Variants in DEPTOR observed in about 807,000 individuals in gnomAD.
DEPTOR encodes DEP domain-containing mTOR-interacting protein.
DEPTOR carries 41 observed loss-of-function variants against 41.6 expected under a neutral mutation model. The observed-to-expected ratio is 0.98, with a 90% CI of 0.77 to 1.28. DEPTOR has a LOEUF of 1.28. Among genes scored for constraint, DEPTOR ranks in the 50% most tolerant of loss-of-function variants. The probability of loss-of-function intolerance (pLI) is 0.00; values close to 1 mark genes in which losing one functional copy is unlikely to be tolerated. For synonymous variants in DEPTOR, 195 were observed against 192.3 expected (o/e 1.01, Z -0.12); for missense variants, 514 against 527.9 (o/e 0.97, Z 0.26).
At chr8:120,005,915 G>A (rs536052663) in intron 6 of DEPTOR, among the ~76,000 whole-genome samples, 4 of 152,206 alleles carry the variant, frequency 2.6e-5, no homozygotes, top group Admixed American at 2.0e-4. Context: ...TTTGCTTGCA[G>A]GACAGCATGG....
At chr8:120,040,703 CT>C (rs1813055087) in intron 8 of DEPTOR, among the ~76,000 whole-genome samples, 1 of 152,172 alleles carries the variant, frequency 6.6e-6, no homozygotes, top group Non-Finnish European at 1.5e-5. Flanking sequence ...TGCAACTGGA[CT>C]CCAAAAGTCT....
chr8:119,944,571 C>G (rs992981459), intron 3 of DEPTOR, among the ~76,000 whole-genome samples: 2 of 151,756 alleles, frequency 1.3e-5, no homozygotes, highest in African/African-American at 4.8e-5. Context: ...CCTCACACAA[C>G]TTTGGTATAC....
At chr8:119,904,604 C>G (rs140395075) in intron 1 of DEPTOR, among the ~76,000 whole-genome samples, 14,852 of 151,928 alleles carry the variant, frequency 0.098, 844 homozygotes, top group South Asian at 0.22. Context: ...AAGCAATTCT[C>G]CCTGCCTCAG....
chr8:119,969,928 TTTAGGC>T (rs1828612050), intron 4 of DEPTOR: 2 of 152,324 alleles, frequency 1.3e-5, no homozygotes, highest in South Asian at 4.1e-4. Context: ...AAAGTCAGCC[TTTAGGC>T]TTTGAGCAGA....
At chr8:119,919,200 C>T (rs1357795641) in intron 1 of DEPTOR, among the ~76,000 whole-genome samples, 1 of 151,988 alleles carries the variant, frequency 6.6e-6, no homozygotes, top group Non-Finnish European at 1.5e-5. Flanking sequence ...CATATGTGTA[C>T]ACATACCTAG....
intron 8 of DEPTOR, among the ~76,000 whole-genome samples, chr8:120,047,519 C>A (rs985911072): frequency 1.3e-5 from 2 of 151,610 alleles, no homozygotes; most frequent in African/African-American, 4.8e-5. Flanking sequence ...AGGCATCCGC[C>A]ACCACGCCCA....
At chr8:119,979,708 A>G (rs1298369931) in intron 4 of DEPTOR, among the ~76,000 whole-genome samples, 1 of 151,522 alleles carries the variant, frequency 6.6e-6, no homozygotes, top group African/African-American at 2.4e-5. Context: ...TATTTTAGCC[A>G]CTCCCCAAGC....
At chr8:119,989,145 T>C (rs1192671307) in intron 4 of DEPTOR, among the ~76,000 whole-genome samples, 2 of 151,858 alleles carry the variant, frequency 1.3e-5, no homozygotes, top group African/African-American at 4.8e-5. Flanking sequence ...TAGCATTTTA[T>C]GGTGGTGAAT....
At chr8:119,918,914 G>T (rs1480664076) in intron 1 of DEPTOR, among the ~76,000 whole-genome samples, 1 of 149,550 alleles carries the variant, frequency 6.7e-6, no homozygotes, top group Admixed American at 6.7e-5. Flanking sequence ...TTATGAAGTG[G>T]TTACTGCAGC....
intron 8 of DEPTOR, among the ~76,000 whole-genome samples, chr8:120,033,158 A>G (rs1456080477): frequency 6.9e-6 from 1 of 145,598 alleles, no homozygotes; most frequent in African/African-American, 2.5e-5. Context: ...TGTGATTTCA[A>G]CTTACTGCAA....
At chr8:119,970,535 T>C (rs1162671687) in intron 4 of DEPTOR, among the ~76,000 whole-genome samples, 1 of 152,166 alleles carries the variant, frequency 6.6e-6, no homozygotes, top group Admixed American at 6.5e-5. Flanking sequence ...TGGATTTAGA[T>C]GCGGCTTTTT....
At chr8:119,907,751 G>C (rs890358740) in intron 1 of DEPTOR, among the ~76,000 whole-genome samples, 2 of 151,722 alleles carry the variant, frequency 1.3e-5, no homozygotes, top group Non-Finnish European at 2.9e-5. Flanking sequence ...CTGCACTCTG[G>C]CCTGGCAACA....
chr8:120,050,230 T>C lies in DEPTOR; in HGVS notation c.*526T>C, dbSNP rs1005035342. On this transcript the variant is annotated 3_prime_UTR_variant, in exon 9 of 9. Coordinates refer to ENST00000286234, the MANE Select transcript of DEPTOR (RefSeq NM_022783.4). ...AGGGGGTTCTAAAGCATTCAAGTGCTTAAAAGCCATAAAAAATGACTTCTT... is the reference window on the plus strand; with the variant it reads ...AGGGGGTTCTAAAGCATTCAAGTGCCTAAAAGCCATAAAAAATGACTTCTT... 6.6e-6 allele frequency: 1 copy of C among 152,134 alleles called. No homozygotes were observed. The highest frequency in any genetic ancestry group is 6.6e-5 in the Admixed American group (1 of 15,266). 9.4% of individuals were successfully genotyped at this position (152,134 alleles called of 1,614,324 possible). A position where few individuals can be genotyped will look rare whatever the true frequency, so the allele number is the denominator to read the frequency against.
chr8:120,015,299 T>C (rs972596551), intron 8 of DEPTOR, among the ~76,000 whole-genome samples: 2 of 152,188 alleles, frequency 1.3e-5, no homozygotes, highest in African/African-American at 4.8e-5. Flanking sequence ...TCAGATTAAA[T>C]GTTAATTTTT....
chr8:119,965,271 G>A lies in DEPTOR; in HGVS notation c.465G>A (p.Glu155=). The part of the protein sequence containing the change: ...SPENTLLQPR[E]EEGVKYERTF... ...AAAACACACTCCTGCAGCCCAGGGAGGAGGAAGGGGTCAAGTATGAGCGCA... is the reference window on the plus strand; with the variant it reads ...AAAACACACTCCTGCAGCCCAGGGAAGAGGAAGGGGTCAAGTATGAGCGCA... Residue 155 remains glutamate (E), a synonymous_variant, in exon 4 of 9, where the codon GAG becomes GAA. Coordinates refer to ENST00000286234, the MANE Select transcript of DEPTOR (RefSeq NM_022783.4). 6.2e-7 allele frequency: 1 copy of A among 1,614,130 alleles called. No individual in the cohort carries two copies. The highest frequency in any genetic ancestry group is 8.5e-7 in the Non-Finnish European group (1 of 1,180,024).
intron 4 of DEPTOR, among the ~76,000 whole-genome samples, chr8:119,981,515 G>T (rs911026733): frequency 6.6e-6 from 1 of 151,938 alleles, no homozygotes; most frequent in African/African-American, 2.4e-5. Flanking sequence ...TAATTAGCCA[G>T]GTGTGGTGGT....
rs150040619 is a variant in DEPTOR at position 120,018,769 on chromosome 8, G to C, written c.1101+9636G>C. ...CTGGGAGGAGCAAGATGACCACTTT[G>C]CTGTGAAGCGGTGGCCTGAGATGGC... On this transcript the variant is annotated intron_variant, in intron 8 of 8. Coordinates refer to ENST00000286234, the MANE Select transcript of DEPTOR (RefSeq NM_022783.4). 1.3e-3 allele frequency among the ~76,000 whole-genome samples: 196 copies of C among 152,308 alleles called. 2 individuals are homozygous for C. The highest frequency in any genetic ancestry group is 4.3e-3 in the African/African-American group (179 of 41,574).
At chr8:120,019,310 AAAAAT>A (rs940393295) in intron 8 of DEPTOR, among the ~76,000 whole-genome samples, 7 of 152,164 alleles carry the variant, frequency 4.6e-5, no homozygotes, top group Non-Finnish European at 8.8e-5. Context: ...CTCAAAAATA[AAAAAT>A]AAAATAAAAT....
rs1827991675 is a variant in DEPTOR at position 119,928,484 on chromosome 8, G to T, written c.207G>T (p.Leu69=). The T allele has an allele frequency of 6.2e-7, 1 of 1,614,036 alleles. No homozygotes were observed. Among genetic ancestry groups the T allele is most frequent in the Admixed American group, 1.7e-5 (1 of 59,994 alleles). The stretch of plus-strand genomic sequence containing the variant: ...CAAACTGTTTTGTCGCAAAAGAACT[G>T]ATTGACTGGCTGATTGAACACAAAG... ...TYPNCFVAKE[L]IDWLIEHKEA... is the part of the protein sequence containing the mutation. Residue 69 remains leucine, a synonymous_variant, in exon 2 of 9, where the codon CTG becomes CTT. Coordinates refer to ENST00000286234, the MANE Select transcript of DEPTOR (RefSeq NM_022783.4).
Sources: allele counts gnomAD v4.1 joint callset (sites outside exome capture counted in the v4.1 genomes callset), GRCh38; gene constraint gnomAD v4.1.1; transcripts MANE v1.5; gene names NCBI Gene and HGNC (gene_info 2026-07-23, HGNC 2026-07-21).